Variants in PLEKHM3 observed in about 807,000 individuals in gnomAD.
The protein encoded by PLEKHM3 is pleckstrin homology domain containing M3, also known as pleckstrin homology domain-containing family M member 3.
Under a neutral mutation model 81.8 loss-of-function variants are expected in PLEKHM3, and 45 were observed. That is an observed-to-expected ratio of 0.55 (90% CI 0.43 to 0.71). PLEKHM3 has a LOEUF of 0.71. PLEKHM3 is among the 30% of genes least tolerant of loss of function. The pLI is 0.00. For missense variants in PLEKHM3, 788 were observed against 924.3 expected, an observed-to-expected ratio of 0.85 and a Z score of 1.91; for synonymous variants, 352 against 356.4, an observed-to-expected ratio of 0.99 and a Z score of 0.14.
chr2:207,937,570 T>TA (rs771283946), intron 4 of PLEKHM3, among the ~76,000 whole-genome samples: 2,935 of 128,070 alleles, frequency 0.023, 45 homozygotes, highest in Non-Finnish European at 0.034. Flanking sequence ...ACACTGTCTC[T>TA]AAAAAAAAAA....
At chr2:207,919,970 A>G (rs1049364134) in intron 5 of PLEKHM3, among the ~76,000 whole-genome samples, 4 of 149,804 alleles carry the variant, frequency 2.7e-5, no homozygotes, top group African/African-American at 1.0e-4. Flanking sequence ...ACACACACGC[A>G]CACACACATT....
At chr2:207,934,966 G>C (rs569138456) in intron 4 of PLEKHM3, among the ~76,000 whole-genome samples, 9 of 152,280 alleles carry the variant, frequency 5.9e-5, no homozygotes, top group Admixed American at 1.3e-4. Flanking sequence ...GGGGCAAAGG[G>C]AATGTTTAAC....
chr2:207,851,084 C>T (rs975576869), intron 7 of PLEKHM3, among the ~76,000 whole-genome samples: 3 of 130,374 alleles, frequency 2.3e-5, no homozygotes, highest in African/African-American at 5.9e-5. Context: ...ACCTGGGAAG[C>T]GGAGGTTGCA....
chr2:207,828,779 C>T (rs1175895461), intron 7 of PLEKHM3, among the ~76,000 whole-genome samples: 2 of 152,106 alleles, frequency 1.3e-5, no homozygotes, highest in African/African-American at 4.8e-5. Context: ...TGACAATGGA[C>T]AGAACACCAG....
chr2:207,864,558 G>A (rs2092485599), intron 6 of PLEKHM3, among the ~76,000 whole-genome samples: 1 of 152,188 alleles, frequency 6.6e-6, no homozygotes, highest in African/African-American at 2.4e-5. Context: ...CTGGAAACCA[G>A]GTGAGTAAAG....
At chr2:207,864,577 A>C (rs540865849) in intron 6 of PLEKHM3, among the ~76,000 whole-genome samples, 1 of 152,330 alleles carries the variant, frequency 6.6e-6, no homozygotes, top group South Asian at 2.1e-4. Flanking sequence ...AGGTTGATGA[A>C]ACTGGGAAGA....
At chr2:207,847,637 T>C (rs7595300) in intron 7 of PLEKHM3, among the ~76,000 whole-genome samples, 88,741 of 152,014 alleles carry the variant, frequency 0.58, 26,216 homozygotes, top group Middle Eastern at 0.63. Flanking sequence ...TCCTCCACCA[T>C]TGGTATTAGA....
chr2:207,974,545 T>C (rs918842942), intron 3 of PLEKHM3, among the ~76,000 whole-genome samples: 1 of 152,226 alleles, frequency 6.6e-6, no homozygotes, highest in Non-Finnish European at 1.5e-5. Flanking sequence ...TGTTCTTCCT[T>C]ACTCCAATAA....
intron 1 of PLEKHM3, among the ~76,000 whole-genome samples, chr2:208,004,287 C>T (rs776162763): frequency 6.6e-6 from 1 of 152,006 alleles, no homozygotes; most frequent in Non-Finnish European, 1.5e-5. Context: ...TGATGGTGTG[C>T]ACCTGTAGTC....
chr2:207,821,306 T>C lies in PLEKHM3; in HGVS notation c.*7013A>G, dbSNP rs1473648141. On this transcript the variant is annotated 3_prime_UTR_variant, in exon 8 of 8. Coordinates refer to ENST00000427836, the MANE Select transcript of PLEKHM3 (RefSeq NM_001080475.3). ...AGGAAAGTATTTTCTGCATTGTTTA[T>C]TGAGAGAGAGAGAGAGAGAACTTTA... 1 of 151,310 alleles carries C rather than the reference T, an allele frequency of 6.6e-6. No homozygotes were observed. The highest frequency in any genetic ancestry group is 1.5e-5 in the Non-Finnish European group (1 of 67,942). The allele number at this position is 151,310 out of a possible 1,614,324, so 9.4% of individuals were successfully genotyped here. A position where few individuals can be genotyped will look rare whatever the true frequency, so the allele number is the denominator to read the frequency against.
chr2:207,864,220 C>A (rs1468871802), intron 6 of PLEKHM3, among the ~76,000 whole-genome samples: 1 of 152,132 alleles, frequency 6.6e-6, no homozygotes, highest in Non-Finnish European at 1.5e-5. Context: ...TCTCCATTAC[C>A]TTTAGGAAGC....
At chr2:207,939,314 T>A (rs1157278755) in intron 4 of PLEKHM3, among the ~76,000 whole-genome samples, 2 of 152,040 alleles carry the variant, frequency 1.3e-5, no homozygotes, top group African/African-American at 4.8e-5. Flanking sequence ...AAAGAAACAA[T>A]CAGGAGAGGA....
chr2:207,989,894 CT>C (rs2106066182), intron 2 of PLEKHM3, among the ~76,000 whole-genome samples: 1 of 152,342 alleles, frequency 6.6e-6, no homozygotes, highest in Admixed American at 6.5e-5. Context: ...GAGGCCTCCC[CT>C]CCTGGGAAAC....
intron 1 of PLEKHM3, among the ~76,000 whole-genome samples, chr2:208,018,716 C>T (rs980081769): frequency 1.3e-5 from 2 of 152,224 alleles, no homozygotes; most frequent in Admixed American, 6.5e-5. Flanking sequence ...ATTCACCACA[C>T]TGCAACCAAA....
At position 207,843,310 on chromosome 2, in the gene PLEKHM3, C is replaced by T. The variant is rs1469175861; in HGVS notation, c.2109-14814G>A. Among the ~76,000 whole-genome samples, 1 of 152,122 alleles carries T rather than the reference C, an allele frequency of 6.6e-6. No homozygotes were observed. Among genetic ancestry groups the T allele is most frequent in the Non-Finnish European group, 1.5e-5 (1 of 68,022 alleles). On this transcript the variant is annotated intron_variant, in intron 7 of 7. Transcript: ENST00000427836. This position sits in a 1 kb window ranked among gnomAD's most constrained non-coding sequence, Gnocchi z 4.4. ...GTAGCAGCCTGCCTGAGCCACCTCC[C>T]CAGACCCCTCTCTGAGAAAAAGTGA...
intron 3 of PLEKHM3, among the ~76,000 whole-genome samples, chr2:207,947,551 A>T (rs1412657910): frequency 1.3e-5 from 2 of 152,260 alleles, no homozygotes; most frequent in Non-Finnish European, 2.9e-5. Context: ...CACAAACAGC[A>T]TCATTAATCT....
At chr2:207,918,964 G>A (rs185632522) in intron 5 of PLEKHM3, among the ~76,000 whole-genome samples, 54 of 152,258 alleles carry the variant, frequency 3.5e-4, no homozygotes, top group Non-Finnish European at 3.7e-4. Flanking sequence ...ATGTTTAATG[G>A]TAATAAGTAA....
chr2:207,974,505 A>T (rs1691235816), intron 3 of PLEKHM3, among the ~76,000 whole-genome samples: 1 of 152,194 alleles, frequency 6.6e-6, no homozygotes, highest in African/African-American at 2.4e-5. Context: ...CAGCTACTCC[A>T]ATCTCCACAT....
chr2:208,010,297 C>T (rs777301553), intron 1 of PLEKHM3, among the ~76,000 whole-genome samples: 7 of 152,180 alleles, frequency 4.6e-5, no homozygotes, highest in Admixed American at 2.6e-4. Context: ...GATTGCTTTG[C>T]GACTGAAGGC....
Sources: allele counts gnomAD v4.1 joint callset (sites outside exome capture counted in the v4.1 genomes callset), GRCh38; gene constraint gnomAD v4.1.1; non-coding constraint Gnocchi (gnomAD v3.1); transcripts MANE v1.5; gene names NCBI Gene and HGNC (gene_info 2026-07-23, HGNC 2026-07-21).